Variants in TAB2 observed in about 807,000 individuals in gnomAD.
TAB2 encodes the protein TGF-beta-activated kinase 1 and MAP3K7-binding protein 2.
A neutral mutation model predicts 65.0 loss-of-function variants in TAB2; 3 were observed. That is an observed-to-expected ratio of 0.05 (90% CI 0.02 to 0.12). TAB2 has a LOEUF of 0.12. TAB2 is among the 10% of genes least tolerant of loss of function. TAB2 has a pLI of 1.00. For synonymous variants in TAB2, 298 were observed against 285.1 expected (o/e 1.05, Z -0.46); for missense variants, 623 against 840.3 (o/e 0.74, Z 3.20).
At chr6:149,354,810 A>G (rs2114815324) in intron 1 of TAB2, among the ~76,000 whole-genome samples, 1 of 152,286 alleles carries the variant, frequency 6.6e-6, no homozygotes, top group Non-Finnish European at 1.5e-5. Context: ...TGTATAGTAC[A>G]TTATACTTTT....
At chr6:149,258,484 A>T (rs866840544) in intron 1 of TAB2, among the ~76,000 whole-genome samples, 1 of 151,660 alleles carries the variant, frequency 6.6e-6, no homozygotes, top group Non-Finnish European at 1.5e-5. Context: ...TTACTTTTGT[A>T]TGATTCTGTC....
chr6:149,249,630 G>T (rs1359470315), intron 1 of TAB2, among the ~76,000 whole-genome samples: 1 of 151,478 alleles, frequency 6.6e-6, no homozygotes, highest in Non-Finnish European at 1.5e-5. Flanking sequence ...GTCTGTGTGT[G>T]TCTCTCCATC....
intron 3 of TAB2, among the ~76,000 whole-genome samples, chr6:149,384,153 G>GA (rs1408170670): frequency 6.6e-6 from 1 of 152,136 alleles, no homozygotes; most frequent in Non-Finnish European, 1.5e-5. Flanking sequence ...TTTTAGAGTA[G>GA]AAAAATAAGT....
chr6:149,364,298 G>T (rs1470677852), intron 1 of TAB2, among the ~76,000 whole-genome samples: 1 of 152,044 alleles, frequency 6.6e-6, no homozygotes, highest in African/African-American at 2.4e-5. Context: ...ATCCCCAAAT[G>T]TTAATGGCCT....
chr6:149,386,888 G>GC (rs1189257939), intron 3 of TAB2, among the ~76,000 whole-genome samples: 1 of 152,080 alleles, frequency 6.6e-6, no homozygotes, highest in Admixed American at 6.5e-5. Context: ...CATTTCATGT[G>GC]CTTACTGGCC....
At chr6:149,365,077 G>A (rs1363490017) in intron 1 of TAB2, among the ~76,000 whole-genome samples, 3 of 152,052 alleles carry the variant, frequency 2.0e-5, no homozygotes, top group Non-Finnish European at 4.4e-5. Flanking sequence ...AACCCTCCTA[G>A]ATCATTTTAG....
chr6:149,356,678 G>T (rs2114820289), intron 1 of TAB2, among the ~76,000 whole-genome samples: 1 of 152,274 alleles, frequency 6.6e-6, no homozygotes, highest in East Asian at 1.9e-4. Context: ...CATCTTGGGG[G>T]ATAGGATGTC....
intron 1 of TAB2, among the ~76,000 whole-genome samples, chr6:149,261,876 G>A (rs1778159665): frequency 6.6e-6 from 1 of 152,198 alleles, no homozygotes; most frequent in Non-Finnish European, 1.5e-5. Context: ...CTCCCTTGGG[G>A]AATAAATTTA....
At chr6:149,235,238 A>G (rs1290729913) in intron 1 of TAB2, among the ~76,000 whole-genome samples, 2 of 152,244 alleles carry the variant, frequency 1.3e-5, no homozygotes, top group Admixed American at 6.5e-5. Flanking sequence ...TTACGGTTTC[A>G]ATCCCGGATG....
At chr6:149,360,673 A>G (rs981914133) in intron 1 of TAB2, among the ~76,000 whole-genome samples, 2 of 152,174 alleles carry the variant, frequency 1.3e-5, no homozygotes, top group Non-Finnish European at 2.9e-5. Flanking sequence ...TCAAAATATA[A>G]TCATTCCTTC....
intron 3 of TAB2, among the ~76,000 whole-genome samples, chr6:149,391,954 T>C (rs2789500): frequency 0.12 from 18,579 of 152,124 alleles, 1,738 homozygotes; most frequent in East Asian, 0.51. Context: ...GCTAGTTCTC[T>C]GATTCCTTTT....
intron 1 of TAB2, among the ~76,000 whole-genome samples, chr6:149,234,191 G>C (rs1417055312): frequency 6.6e-6 from 1 of 152,188 alleles, no homozygotes; most frequent in Non-Finnish European, 1.5e-5. Context: ...TAAGATAAAA[G>C]AGAAACCTAC....
chr6:149,362,915 C>T (rs1487935766), intron 1 of TAB2, among the ~76,000 whole-genome samples: 2 of 152,136 alleles, frequency 1.3e-5, no homozygotes, highest in Non-Finnish European at 2.9e-5. Context: ...CCATTTCTCC[C>T]CATTTTCCCT....
intron 1 of TAB2, among the ~76,000 whole-genome samples, chr6:149,331,642 T>G (rs1213502032): frequency 6.6e-6 from 1 of 152,194 alleles, no homozygotes; most frequent in African/African-American, 2.4e-5. Flanking sequence ...CTTTCACCAG[T>G]AAGTATATGT....
intron 1 of TAB2, among the ~76,000 whole-genome samples, chr6:149,268,989 A>G (rs1778313943): frequency 6.6e-6 from 1 of 152,224 alleles, no homozygotes; most frequent in Non-Finnish European, 1.5e-5. Flanking sequence ...TCAAAGTACA[A>G]GGGGCTCCTG....
intron 6 of TAB2, among the ~76,000 whole-genome samples, chr6:149,401,709 A>T (rs1041837063): frequency 6.6e-6 from 1 of 152,162 alleles, no homozygotes; most frequent in South Asian, 2.1e-4. Flanking sequence ...AGGATAGATC[A>T]TATGTTAGTT....
At position 149,233,782 on chromosome 6, in the gene TAB2, A is replaced by G. The variant is rs557681739; in HGVS notation, c.-121+15006A>G. On this transcript the variant is annotated intron_variant, in intron 1 of 1. Coordinates refer to the TAB2 transcript ENST00000606202. ...AAAAGTGATTGTTGTTTTTGCAACT[A>G]CTTTTAATGGCAAGAACTGCAATTA... is the stretch of plus-strand genomic sequence containing the variant. Among the ~76,000 whole-genome samples, 5 of 152,338 alleles carry G rather than the reference A, an allele frequency of 3.3e-5. No individual in the cohort carries two copies. In the South Asian group the frequency reaches 1.0e-3, roughly 32 times the overall value.
intron 3 of TAB2, among the ~76,000 whole-genome samples, chr6:149,385,296 A>G (rs1179142500): frequency 6.6e-6 from 1 of 152,228 alleles, no homozygotes; most frequent in African/African-American, 2.4e-5. Flanking sequence ...TAAAACTTGT[A>G]CTTTGTTTAA....
In TAB2 at chr6:149,231,274, C is replaced by A. The variant is rs138847442; in HGVS notation, c.-121+12498C>A. Among the ~76,000 whole-genome samples, 377 of 152,284 alleles carry A rather than the reference C, an allele frequency of 2.5e-3. 2 individuals carry two copies. The highest frequency in any genetic ancestry group is 8.6e-3 in the African/African-American group (357 of 41,560). ...AGTGGAGCTGATGATTAATAACTAC[C>A]GCATGCCTTGTGAGCTTGAACAGTC... On this transcript the variant is annotated intron_variant, in intron 1 of 1. Coordinates refer to the TAB2 transcript ENST00000606202.
Sources: allele counts gnomAD v4.1 joint callset (sites outside exome capture counted in the v4.1 genomes callset), GRCh38; gene constraint gnomAD v4.1.1; transcripts MANE v1.5; gene names NCBI Gene and HGNC (gene_info 2026-07-23, HGNC 2026-07-21).